Variants in ASZ1 observed in about 807,000 individuals in gnomAD.
ASZ1 encodes ankyrin repeat, SAM and basic leucine zipper domain-containing protein 1.
In ASZ1, 67 loss-of-function variants were observed where a neutral mutation model predicts 61.8. The observed-to-expected ratio is 1.08, with a 90% CI of 0.89 to 1.33. The LOEUF is 1.33. Among genes scored for constraint, ASZ1 ranks in the 40% most tolerant of loss-of-function variants. ASZ1 has a pLI of 0.00. For missense variants in ASZ1, 577 were observed against 554.5 expected (o/e 1.04, Z -0.41); for synonymous variants, 193 against 192.7 (o/e 1.00, Z -0.01).
intron 4 of ASZ1, among the ~76,000 whole-genome samples, chr7:117,395,608 T>A (rs1796561657): frequency 6.6e-6 from 1 of 152,158 alleles, no homozygotes; most frequent in African/African-American, 2.4e-5. Context: ...CAAATTGTAA[T>A]CTCAAGCTTT....
At chr7:117,392,551 G>A (rs1038071513) in intron 4 of ASZ1, among the ~76,000 whole-genome samples, 5 of 152,068 alleles carry the variant, frequency 3.3e-5, no homozygotes, top group African/African-American at 1.2e-4. Context: ...AGTATCCTGA[G>A]ACTTTACTAA....
intron 10 of ASZ1, among the ~76,000 whole-genome samples, chr7:117,372,930 A>G (rs1796074118): frequency 6.6e-6 from 1 of 152,180 alleles, no homozygotes; most frequent in Admixed American, 6.6e-5. Context: ...AATTATATTG[A>G]TGCAATGGAA....
intron 9 of ASZ1, 147 bp downstream of exon 9, chr7:117,380,864 G>T: frequency 1.4e-6 from 1 of 694,830 alleles, no homozygotes. Flanking sequence ...TTTAGATACG[G>T]TTATCCATAA....
At chr7:117,413,824 T>C (rs1469979416) in intron 4 of ASZ1, among the ~76,000 whole-genome samples, 2 of 152,088 alleles carry the variant, frequency 1.3e-5, no homozygotes, top group East Asian at 1.9e-4. Context: ...GACACAAAAA[T>C]AGTTATAAAT....
intron 4 of ASZ1, among the ~76,000 whole-genome samples, chr7:117,417,908 G>C (rs1797026286): frequency 6.6e-6 from 1 of 152,190 alleles, no homozygotes; most frequent in South Asian, 2.1e-4. Flanking sequence ...AGGATTTTCA[G>C]TTTTGAAACT....
At chr7:117,371,910 A>G (rs1038535955) in intron 10 of ASZ1, among the ~76,000 whole-genome samples, 1 of 152,212 alleles carries the variant, frequency 6.6e-6, no homozygotes, top group Non-Finnish European at 1.5e-5. Flanking sequence ...TAAGATAGTA[A>G]GACTGAGTTC....
At chr7:117,403,152 A>G (rs1302853656) in intron 4 of ASZ1, among the ~76,000 whole-genome samples, 4 of 152,084 alleles carry the variant, frequency 2.6e-5, no homozygotes, top group South Asian at 4.1e-4. Flanking sequence ...CTTTGGGGCA[A>G]TGGGGATGCT....
Position 117,426,877 on chromosome 7 carries a change from G to A in ASZ1, c.164C>T (p.Thr55Ile). The A allele has an allele frequency of 1.2e-6, 2 of 1,613,282 alleles. No individual in the cohort carries two copies. The highest frequency in any genetic ancestry group is 8.5e-7 in the Non-Finnish European group (1 of 1,179,848). The change falls in exon 2 of 13, where the codon ACC becomes ATC. Residue 55 changes from threonine to isoleucine, a missense_variant. Thr to Ile is a moderately conservative substitution (Grantham distance 89, BLOSUM62 -1). Transcript: ENST00000284629. ...EKKEKFKKAM[T>I]IGDVSLVQEL... ...CTGGACCAATGAAACATCTCCGATG[G>A]TCATTGCTTTCTTAAATTTTTCTTT...
chr7:117,393,919 C>T (rs533388681), intron 4 of ASZ1, among the ~76,000 whole-genome samples: 12 of 152,244 alleles, frequency 7.9e-5, no homozygotes, highest in African/African-American at 2.9e-4. Context: ...CTTAAGTCCT[C>T]TTCTCTTCAA....
rs557626199 is a variant in ASZ1 at position 117,379,676 on chromosome 7, G to A, written c.1055+262C>T. On this transcript the variant is annotated intron_variant, in intron 10 of 12. Transcript: ENST00000284629. ...GGGATTGTTTGTAAGGTTCAATTTA[G>A]CAAGATGCAATGAAAAAATAAAACA... is the stretch of plus-strand genomic sequence containing the variant. 5.3e-5 allele frequency among the ~76,000 whole-genome samples: 8 copies of A among 151,832 alleles called. No homozygotes were observed. The East Asian group carries it at 1.5e-3, about 29-fold the overall frequency.
At position 117,427,462 on chromosome 7, in the gene ASZ1, C is replaced by T; in HGVS notation, c.-2G>A. Reference sequence around the variant, plus strand: ...GCCTCGCAGCGCGCTCGCCGCCATGCCAGCCAAGGAAGCTCCCTGTCGGCA... The same window carrying T: ...GCCTCGCAGCGCGCTCGCCGCCATGTCAGCCAAGGAAGCTCCCTGTCGGCA... On this transcript the variant is annotated 5_prime_UTR_variant, in exon 1 of 13. Transcript: ENST00000284629. 6.2e-7 allele frequency: 1 copy of T among 1,613,806 alleles called. No homozygotes were observed. Among genetic ancestry groups the T allele is most frequent in the Middle Eastern group, 1.6e-4 (1 of 6,062 alleles).
intron 4 of ASZ1, among the ~76,000 whole-genome samples, chr7:117,409,864 A>G (rs1474794534): frequency 1.3e-5 from 2 of 151,846 alleles, no homozygotes; most frequent in Non-Finnish European, 3.0e-5. Flanking sequence ...TGCATGTTTA[A>G]CTAGATTAGA....
At chr7:117,423,131 T>C (rs1475240568) in intron 2 of ASZ1, among the ~76,000 whole-genome samples, 3 of 152,130 alleles carry the variant, frequency 2.0e-5, no homozygotes, top group South Asian at 2.1e-4. Context: ...AAAATGACTA[T>C]CAAATTCTGT....
At chr7:117,396,445 A>G (rs1162272561) in intron 4 of ASZ1, among the ~76,000 whole-genome samples, 1 of 152,186 alleles carries the variant, frequency 6.6e-6, no homozygotes. Flanking sequence ...GAAATTAAGG[A>G]GCTACTCATC....
chr7:117,387,242 A>T (rs1796376420), intron 4 of ASZ1, among the ~76,000 whole-genome samples: 1 of 151,786 alleles, frequency 6.6e-6, no homozygotes, highest in Admixed American at 6.6e-5. Flanking sequence ...TGGGAGATCA[A>T]GGCTTCAGTG....
intron 4 of ASZ1, among the ~76,000 whole-genome samples, chr7:117,395,548 TTGG>T (rs1335904057): frequency 6.6e-6 from 1 of 152,144 alleles, no homozygotes; most frequent in Non-Finnish European, 1.5e-5. Context: ...TTTATTTTAC[TTGG>T]TGTAGTTTTA....
chr7:117,384,894 A>C, intron 5 of ASZ1, 34 bp from the exon 6 acceptor site: 1 of 1,532,154 alleles, frequency 6.5e-7, no homozygotes, highest in Non-Finnish European at 8.7e-7. Context: ...TTGTTTAAAG[A>C]GAAGGAGTGT....
rs537540817 is a variant in ASZ1 at position 117,388,248 on chromosome 7, A to G, written c.441-2439T>C. ...CAAAACAGTTAATGAAAACAACATC[A>G]ATTCTAAACAAACTCAACCAGTAAA... On this transcript the variant is annotated intron_variant, in intron 4 of 12. Transcript: ENST00000284629. 3.2e-4 allele frequency among the ~76,000 whole-genome samples: 49 copies of G among 152,288 alleles called. 1 individual carries two copies. Among genetic ancestry groups the G allele is most frequent in the African/African-American group, 9.6e-4 (40 of 41,570 alleles).
intron 3 of ASZ1, among the ~76,000 whole-genome samples, chr7:117,420,643 T>C (rs1268731492): frequency 1.3e-5 from 2 of 152,230 alleles, no homozygotes; most frequent in African/African-American, 4.8e-5. Flanking sequence ...TATTCTCTGA[T>C]TTCACTTCTT....
Sources: allele counts gnomAD v4.1 joint callset (sites outside exome capture counted in the v4.1 genomes callset), GRCh38; gene constraint gnomAD v4.1.1; transcripts MANE v1.5; gene names NCBI Gene and HGNC (gene_info 2026-07-23, HGNC 2026-07-21).